Variants in HPSE2 observed in about 807,000 individuals in gnomAD.
The protein encoded by HPSE2 is heparanase 2 (inactive), also known as inactive heparanase-2.
A neutral mutation model predicts 60.5 loss-of-function variants in HPSE2; 38 were observed. The observed-to-expected ratio is 0.63, with a 90% CI of 0.48 to 0.82. The LOEUF (loss-of-function observed/expected upper bound fraction) is 0.82. HPSE2 is among the 40% of genes least tolerant of loss of function. HPSE2 has a pLI of 0.00. For synonymous variants in HPSE2, 295 were observed against 293.2 expected (o/e 1.01, Z -0.06); for missense variants, 713 against 740.4 (o/e 0.96, Z 0.43).
At chr10:99,277,584 C>G in the HPSE2 span, among the ~76,000 whole-genome samples, 1 of 152,174 alleles carries the variant, frequency 6.6e-6, no homozygotes, top group Non-Finnish European at 1.5e-5. Flanking sequence ...AACTTAAGAT[C>G]CCCTCCCGAC....
At chr10:99,016,877 T>C (rs1421154631) in intron 3 of HPSE2, among the ~76,000 whole-genome samples, 3 of 152,218 alleles carry the variant, frequency 2.0e-5, no homozygotes, top group Non-Finnish European at 4.4e-5. Context: ...TGCATATTTA[T>C]TTTGTATCCT....
the HPSE2 span, among the ~76,000 whole-genome samples, chr10:99,260,658 C>T: frequency 6.6e-6 from 1 of 152,156 alleles, no homozygotes; most frequent in African/African-American, 2.4e-5. Context: ...ACAGTCTTCC[C>T]TTGGTGTTTA....
chr10:98,944,197 GT>G (rs1955110893), intron 3 of HPSE2, among the ~76,000 whole-genome samples: 1 of 152,104 alleles, frequency 6.6e-6, no homozygotes, highest in Non-Finnish European at 1.5e-5. Context: ...ATTGACATGA[GT>G]CCATAAGTGC....
At chr10:98,711,896 C>T (rs1948684040) in intron 5 of HPSE2, among the ~76,000 whole-genome samples, 1 of 152,128 alleles carries the variant, frequency 6.6e-6, no homozygotes, top group African/African-American at 2.4e-5. Flanking sequence ...CACACATCTG[C>T]TTCAGGAGGT....
At chr10:98,993,034 C>T (rs888566233) in intron 3 of HPSE2, among the ~76,000 whole-genome samples, 7 of 152,184 alleles carry the variant, frequency 4.6e-5, no homozygotes, top group Non-Finnish European at 7.3e-5. Context: ...TTTCTTTGAT[C>T]GCTATGATTT....
chr10:98,659,501 C>T (rs1947167487), intron 6 of HPSE2, among the ~76,000 whole-genome samples: 2 of 152,130 alleles, frequency 1.3e-5, no homozygotes, highest in African/African-American at 4.8e-5. Context: ...ATCAGTATTT[C>T]ATTTCTTTTT....
At chr10:98,605,435 G>A (rs1207049473) in intron 9 of HPSE2, among the ~76,000 whole-genome samples, 3 of 152,090 alleles carry the variant, frequency 2.0e-5, no homozygotes, top group Non-Finnish European at 2.9e-5. Context: ...TAAGGTTCTC[G>A]AACAAAGATA....
chr10:98,481,494 A>G (rs1273366310), intron 11 of HPSE2, among the ~76,000 whole-genome samples: 1 of 152,220 alleles, frequency 6.6e-6, no homozygotes, highest in African/African-American at 2.4e-5. Context: ...TAAAATACTC[A>G]ATAGAGTCCT....
intron 9 of HPSE2, among the ~76,000 whole-genome samples, chr10:98,511,157 T>C (rs1942379564): frequency 6.6e-6 from 1 of 151,638 alleles, no homozygotes; most frequent in Non-Finnish European, 1.5e-5. Flanking sequence ...TTTTGTTTTT[T>C]GTTTTTTTTT....
intron 3 of HPSE2, among the ~76,000 whole-genome samples, chr10:99,007,023 A>C (rs1314878787): frequency 6.6e-6 from 1 of 151,940 alleles, no homozygotes; most frequent in Non-Finnish European, 1.5e-5. Context: ...TATTGGCCTG[A>C]AGACCAGGGC....
intron 3 of HPSE2, among the ~76,000 whole-genome samples, chr10:99,038,071 G>T (rs1179539434): frequency 6.6e-6 from 1 of 152,096 alleles, no homozygotes; most frequent in Non-Finnish European, 1.5e-5. Flanking sequence ...GAAACATTTT[G>T]TAAGAGTGTG....
chr10:98,835,010 G>A (rs893107127), intron 3 of HPSE2, among the ~76,000 whole-genome samples: 4 of 151,852 alleles, frequency 2.6e-5, no homozygotes, highest in African/African-American at 9.7e-5. Context: ...TTTCTAATAT[G>A]GCAAATATTG....
chr10:98,521,323 G>A (rs1942785240), intron 9 of HPSE2, among the ~76,000 whole-genome samples: 5 of 152,178 alleles, frequency 3.3e-5, no homozygotes, highest in African/African-American at 4.8e-5. Flanking sequence ...AGTGGGCAAA[G>A]GATATGAACA....
chr10:99,063,819 G>A (rs908124798), intron 3 of HPSE2, among the ~76,000 whole-genome samples: 7 of 152,146 alleles, frequency 4.6e-5, no homozygotes, highest in African/African-American at 9.7e-5. Context: ...AAGGCCGGGC[G>A]CAGTGGCTTA....
intron 3 of HPSE2, among the ~76,000 whole-genome samples, chr10:98,882,797 G>A (rs910791687): frequency 5.3e-5 from 8 of 152,078 alleles, no homozygotes; most frequent in African/African-American, 1.7e-4. Flanking sequence ...ATCTAGCCCA[G>A]TGCTCTACAC....
chr10:98,515,846 T>C (rs1388185394), intron 9 of HPSE2, among the ~76,000 whole-genome samples: 1 of 152,212 alleles, frequency 6.6e-6, no homozygotes, highest in African/African-American at 2.4e-5. Flanking sequence ...TGTTTCTAAC[T>C]GCCTTTTCTA....
chr10:99,043,194 A>G (rs749284188), intron 3 of HPSE2, among the ~76,000 whole-genome samples: 14 of 152,142 alleles, frequency 9.2e-5, no homozygotes, highest in Non-Finnish European at 2.1e-4. Flanking sequence ...TGGTTCTTAA[A>G]CAGCTGGAGG....
At chr10:98,887,843 T>TA (rs572394972) in intron 3 of HPSE2, among the ~76,000 whole-genome samples, 34 of 151,494 alleles carry the variant, frequency 2.2e-4, no homozygotes, top group Non-Finnish European at 4.4e-4. Flanking sequence ...AAGATAGAAT[T>TA]AAAGTAATTT....
the HPSE2 span, among the ~76,000 whole-genome samples, chr10:99,307,414 T>G: frequency 6.6e-6 from 1 of 152,166 alleles, no homozygotes; most frequent in Non-Finnish European, 1.5e-5. Context: ...AGCCCCTGTT[T>G]TATAGAACAC....
Sources: gnomAD v4.1 joint callset for allele counts (sites outside exome capture counted in the v4.1 genomes callset) on GRCh38, gnomAD v4.1.1 for gene constraint, MANE v1.5 for transcripts, NCBI Gene and HGNC (gene_info 2026-07-23, HGNC 2026-07-21) for gene names.